Variants in LRRTM4 observed in about 807,000 individuals in gnomAD.
The protein encoded by LRRTM4 is leucine rich repeat transmembrane neuronal 4.
Under a neutral mutation model 47.6 loss-of-function variants are expected in LRRTM4, and 25 were observed. The observed-to-expected ratio is 0.53, with a 90% confidence interval of 0.38 to 0.73. The LOEUF is 0.73. LRRTM4 is among the 30% of genes least tolerant of loss of function. The pLI is 0.00. For synonymous variants in LRRTM4, 311 were observed against 269.5 expected (o/e 1.15, Z -1.51); for missense variants, 638 against 713.4 (o/e 0.89, Z 1.20).
chr2:77,443,784 T>C (rs1188497775), intron 3 of LRRTM4, among the ~76,000 whole-genome samples: 2 of 152,156 alleles, frequency 1.3e-5, no homozygotes, highest in African/African-American at 4.8e-5. Context: ...CATTGACAGT[T>C]GATATGAAAT....
chr2:76,785,421 C>T (rs1407710377), intron 3 of LRRTM4, among the ~76,000 whole-genome samples: 1 of 152,036 alleles, frequency 6.6e-6, no homozygotes, highest in African/African-American at 2.4e-5. Flanking sequence ...CTCAGGAGCA[C>T]TTCCAGTAAA....
At chr2:76,807,949 CTTTCTT>C (rs1553412843) in intron 3 of LRRTM4, among the ~76,000 whole-genome samples, 16 of 139,836 alleles carry the variant, frequency 1.1e-4, no homozygotes, top group South Asian at 9.1e-4. Flanking sequence ...TTCTTTCTTT[CTTTCTT>C]TTTCTTTTTC....
chr2:76,907,383 A>G (rs867210621), intron 3 of LRRTM4, among the ~76,000 whole-genome samples: 56 of 151,296 alleles, frequency 3.7e-4, no homozygotes, highest in African/African-American at 5.3e-4. Context: ...GCCCACAAGA[A>G]AAAGCAGGAA....
chr2:77,519,704 G>A lies in LRRTM4; in HGVS notation c.165C>T (p.Ile55=). ...VYCESHAFAD[I]PENISGGSQG... ...GTGACCCTCCAGAAATGTTCTCAGG[G>A]ATATCTGCGAAAGCATGAGACTCAC... is the stretch of plus-strand genomic sequence containing the variant. The change falls in exon 3 of 4, where the codon ATC becomes ATT. Residue 55 remains isoleucine (I), a synonymous_variant. Transcript: ENST00000409884. This position sits in a 1 kb window ranked among gnomAD's most constrained non-coding sequence, Gnocchi z 4.6. The A allele has an allele frequency of 1.2e-6, 2 of 1,613,350 alleles. No individual in the cohort carries two copies. The highest frequency in any genetic ancestry group is 4.5e-5 in the East Asian group (2 of 44,818).
intron 3 of LRRTM4, among the ~76,000 whole-genome samples, chr2:77,049,458 AT>A (rs1296870861): frequency 6.6e-6 from 1 of 151,010 alleles, no homozygotes; most frequent in Non-Finnish European, 1.5e-5. Context: ...GCATTTTGTT[AT>A]TTTTTGTCTT....
intron 3 of LRRTM4, among the ~76,000 whole-genome samples, chr2:76,810,977 A>C (rs537711195): frequency 1.3e-5 from 2 of 152,224 alleles, no homozygotes; most frequent in African/African-American, 2.4e-5. Flanking sequence ...TTAAAAAAAA[A>C]GTTAATAACT....
chr2:76,798,489 G>A (rs1422996966), intron 3 of LRRTM4, among the ~76,000 whole-genome samples: 13 of 149,346 alleles, frequency 8.7e-5, no homozygotes, highest in Middle Eastern at 3.5e-3. Context: ...ATGCCCACAA[G>A]AGAAAGCAGG....
chr2:77,434,000 C>T (rs1675488912), intron 3 of LRRTM4, among the ~76,000 whole-genome samples: 1 of 152,166 alleles, frequency 6.6e-6, no homozygotes, highest in African/African-American at 2.4e-5. Flanking sequence ...GATATCTGAG[C>T]CCACAAGAAC....
At chr2:77,151,806 G>A (rs1447894548) in intron 3 of LRRTM4, among the ~76,000 whole-genome samples, 1 of 152,082 alleles carries the variant, frequency 6.6e-6, no homozygotes, top group Non-Finnish European at 1.5e-5. Flanking sequence ...TGTTGTTGTT[G>A]TTGACTATAA....
chr2:76,987,975 T>C (rs924416009), intron 3 of LRRTM4, among the ~76,000 whole-genome samples: 19 of 151,946 alleles, frequency 1.3e-4, no homozygotes, highest in Admixed American at 6.6e-4. Flanking sequence ...ATGCTAAATA[T>C]GCAGGGTAAA....
intron 3 of LRRTM4, among the ~76,000 whole-genome samples, chr2:77,425,515 G>T (rs1411492755): frequency 6.6e-6 from 1 of 152,004 alleles, no homozygotes; most frequent in Non-Finnish European, 1.5e-5. Flanking sequence ...GCCTTGTTTG[G>T]AATCTTACCT....
intron 3 of LRRTM4, among the ~76,000 whole-genome samples, chr2:76,899,822 T>A (rs924691423): frequency 6.6e-6 from 1 of 152,202 alleles, no homozygotes; most frequent in African/African-American, 2.4e-5. Flanking sequence ...GTTAGATCTA[T>A]GAGAGCTAGA....
At chr2:76,897,505 G>A (rs576730593) in intron 3 of LRRTM4, among the ~76,000 whole-genome samples, 22 of 152,160 alleles carry the variant, frequency 1.4e-4, no homozygotes, top group African/African-American at 5.1e-4. Flanking sequence ...TGACAAATGT[G>A]CCTTTTATTA....
intron 3 of LRRTM4, among the ~76,000 whole-genome samples, chr2:77,272,746 A>C (rs535992189): frequency 4.6e-5 from 7 of 152,130 alleles, no homozygotes; most frequent in Admixed American, 3.9e-4. Context: ...ATCCCATGAG[A>C]GCTGGTTATT....
At chr2:76,768,904 G>C (rs1270522969) in intron 3 of LRRTM4, among the ~76,000 whole-genome samples, 1 of 151,964 alleles carries the variant, frequency 6.6e-6, no homozygotes, top group African/African-American at 2.4e-5. Context: ...GAATGTGCTG[G>C]GGACATGCTA....
chr2:77,133,180 A>C (rs139797547), intron 3 of LRRTM4, among the ~76,000 whole-genome samples: 19 of 152,254 alleles, frequency 1.2e-4, no homozygotes, highest in African/African-American at 4.6e-4. Context: ...TTTGTTTAGA[A>C]ATAAAGCTAT....
chr2:77,121,447 T>A (rs1450560234), intron 3 of LRRTM4, among the ~76,000 whole-genome samples: 1 of 151,844 alleles, frequency 6.6e-6, no homozygotes, highest in Non-Finnish European at 1.5e-5. Context: ...TAAGACATAT[T>A]AATTGTTATG....
intron 3 of LRRTM4, among the ~76,000 whole-genome samples, chr2:77,412,195 T>C (rs1674469766): frequency 6.6e-6 from 1 of 152,168 alleles, no homozygotes; most frequent in African/African-American, 2.4e-5. Context: ...GGTAAGTGGA[T>C]TGAACAAGGA....
rs70939835 is a variant in LRRTM4 at position 76,807,425 on chromosome 2, CATATATAT to C, written c.1552-58517_1552-58510del. 3.1e-5 allele frequency among the ~76,000 whole-genome samples: 3 copies of C among 98,080 alleles called. 1 individual carries two copies. Among genetic ancestry groups the C allele is most frequent in the Non-Finnish European group, 5.6e-5 (3 of 53,768 alleles). 64.3% of individuals were successfully genotyped at this position (98,080 alleles called of 152,430 possible). ...GTATATACGTATATATATATATATACATATATATATACGTATATACATATATATATATA... is the reference window on the plus strand; with the variant it reads ...GTATATACGTATATATATATATATACATACGTATATACATATATATATATA... On this transcript the variant is annotated intron_variant, in intron 3 of 3. Coordinates refer to ENST00000409884, the MANE Select transcript of LRRTM4 (RefSeq NM_001134745.3).
Sources: gnomAD v4.1 joint callset for allele counts (sites outside exome capture counted in the v4.1 genomes callset) on GRCh38, gnomAD v4.1.1 for gene constraint, Gnocchi (gnomAD v3.1) non-coding constraint, MANE v1.5 for transcripts, NCBI Gene and HGNC (gene_info 2026-07-23, HGNC 2026-07-21) for gene names.